The following HIBCH variants were observed in gnomAD, a reference collection of about 807,000 sequenced individuals.
HIBCH encodes 3-hydroxyisobutyryl-CoA hydrolase, also known as 3-hydroxyisobutyryl-CoA hydrolase, mitochondrial.
In HIBCH, 50 loss-of-function variants were observed where a neutral mutation model predicts 58.2. That is an observed-to-expected ratio of 0.86 (90% CI 0.68 to 1.09). The LOEUF (loss-of-function observed/expected upper bound fraction) is 1.09, where lower values mean the gene tolerates loss of function less well. Among genes scored for constraint, HIBCH ranks in the 50% least tolerant of loss-of-function variants. HIBCH has a pLI of 0.00. For synonymous variants in HIBCH, 151 were observed against 146.9 expected (o/e 1.03, Z -0.20); for missense variants, 450 against 449.7 (o/e 1.00, Z -0.01).
At chr2:190,269,940 T>C (rs1297910030) in intron 6 of HIBCH, among the ~76,000 whole-genome samples, 1 of 152,144 alleles carries the variant, frequency 6.6e-6, no homozygotes, top group Admixed American at 6.5e-5. Context: ...TGGATGAAGC[T>C]GGAAGCCATC....
chr2:190,281,086 G>A lies in HIBCH; in HGVS notation c.438+6500C>T, dbSNP rs1687694326. 6.6e-6 allele frequency: 1 copy of A among 152,214 alleles called. No homozygotes were observed. The highest frequency in any genetic ancestry group is 2.4e-5 in the African/African-American group (1 of 41,406). The allele number at this position is 152,214 out of a possible 1,614,324, so 9.4% of individuals were successfully genotyped here. ...TGCAAACTGGTGCCATGCTGCCAGTGGGTCAACAGTTCTAGAATCTCAAGG... is the reference window on the plus strand; with the variant it reads ...TGCAAACTGGTGCCATGCTGCCAGTAGGTCAACAGTTCTAGAATCTCAAGG... On this transcript the variant is annotated intron_variant, in intron 6 of 13. Transcript: ENST00000359678. This position sits in a 1 kb window ranked among gnomAD's most constrained non-coding sequence, Gnocchi z 5.4.
intron 2 of HIBCH, among the ~76,000 whole-genome samples, chr2:190,301,941 C>A (rs887858877): frequency 2.0e-5 from 3 of 152,184 alleles, no homozygotes; most frequent in African/African-American, 7.2e-5. Context: ...CCTCTTAATA[C>A]CATCACATTT....
At chr2:190,222,133 C>G (rs1685738150) in intron 11 of HIBCH, among the ~76,000 whole-genome samples, 1 of 152,120 alleles carries the variant, frequency 6.6e-6, no homozygotes, top group Non-Finnish European at 1.5e-5. Flanking sequence ...ATAGGCACCC[C>G]CTAGACGCTG....
At chr2:190,266,514 A>G (rs1687240599) in intron 6 of HIBCH, among the ~76,000 whole-genome samples, 1 of 152,058 alleles carries the variant, frequency 6.6e-6, no homozygotes, top group Non-Finnish European at 1.5e-5. Context: ...ACTCACTGCA[A>G]CCTCAGTCTC....
At chr2:190,246,720 G>A (rs547264715) in intron 9 of HIBCH, among the ~76,000 whole-genome samples, 1 of 152,322 alleles carries the variant, frequency 6.6e-6, no homozygotes, top group South Asian at 2.1e-4. Flanking sequence ...TATAGTTCTA[G>A]TTAATCTCTT....
chr2:190,210,630 T>C lies in HIBCH; in HGVS notation c.1012-1717A>G, dbSNP rs1295730075. 1.3e-5 allele frequency among the ~76,000 whole-genome samples: 2 copies of C among 152,180 alleles called. No individual in the cohort carries two copies. Among genetic ancestry groups the C allele is most frequent in the African/African-American group, 4.8e-5 (2 of 41,438 alleles). On this transcript the variant is annotated intron_variant, in intron 12 of 13. Coordinates refer to ENST00000359678, the MANE Select transcript of HIBCH (RefSeq NM_014362.4). The surrounding 1 kb of genome is among the most constrained non-coding windows in gnomAD (Gnocchi z 5.5). The stretch of plus-strand genomic sequence containing the variant: ...AAGTCCTTAGAGAGACCTTCAAGGC[T>C]CTGTATGCTCTGCACAGCCTTTCTC...
chr2:190,298,725 T>C lies in HIBCH; in HGVS notation c.79-1772A>G, dbSNP rs111951600. ...TTCACTCTGATGATAGTTTCTTTTG[T>C]GGTGCAGAAGCTCTTTAGTTTGATT... On this transcript the variant is annotated intron_variant, in intron 2 of 13. Transcript: ENST00000359678. Among the ~76,000 whole-genome samples the C allele has an allele frequency of 5.6e-3, 860 of 152,238 alleles. 5 individuals are homozygous for C. The highest frequency in any genetic ancestry group is 0.02 in the African/African-American group (816 of 41,540).
rs572172686 is a variant in HIBCH at position 190,309,730 on chromosome 2, A to AT, written c.78+1023dup. Among the ~76,000 whole-genome samples, 859 of 147,378 alleles carry AT rather than the reference A, an allele frequency of 5.8e-3. 3 individuals carry two copies. The highest frequency in any genetic ancestry group is 0.019 in the African/African-American group (761 of 40,260). The stretch of plus-strand genomic sequence containing the variant: ...GCCACCATGTCCGGCTAATTTTTGT[A>AT]TTTTTTTTTTAGCAGAGATGGGGTT... On this transcript the variant is annotated intron_variant, in intron 2 of 13. Coordinates refer to ENST00000359678, the MANE Select transcript of HIBCH (RefSeq NM_014362.4).
intron 1 of HIBCH, among the ~76,000 whole-genome samples, chr2:190,191,614 T>C (rs1290996613): frequency 1.3e-5 from 2 of 152,238 alleles, no homozygotes; most frequent in African/African-American, 2.4e-5. Flanking sequence ...GAGAGTGCAG[T>C]TGCTCTGTAT....
chr2:190,256,468 T>C lies in HIBCH; in HGVS notation c.518-4161A>G, dbSNP rs569363101. On this transcript the variant is annotated intron_variant, in intron 7 of 13. Coordinates refer to ENST00000359678, the MANE Select transcript of HIBCH (RefSeq NM_014362.4). ...CAAAAAAAAAAAAAAATAATAATAA[T>C]AAATCTTACAACACTTGAAAATATT... Among the ~76,000 whole-genome samples the C allele has an allele frequency of 2.0e-4, 30 of 150,164 alleles. No individual in the cohort carries two copies. The East Asian group carries it at 5.9e-3, about 29-fold the overall frequency.
intron 9 of HIBCH, among the ~76,000 whole-genome samples, chr2:190,246,661 G>A (rs61038868): frequency 0.25 from 37,327 of 152,034 alleles, 4,898 homozygotes; most frequent in East Asian, 0.32. Flanking sequence ...GAATAATTAG[G>A]TTTCTGTTGT....
In HIBCH at chr2:190,206,830, TA is replaced by T. The variant is rs1368786519; in HGVS notation, c.1046-1599del. On this transcript the variant is annotated intron_variant, in intron 13 of 13. Coordinates refer to ENST00000359678, the MANE Select transcript of HIBCH (RefSeq NM_014362.4). This position sits in a 1 kb window ranked among gnomAD's most constrained non-coding sequence, Gnocchi z 5.1. The stretch of plus-strand genomic sequence containing the variant: ...AGGCGGCAATATACTTTCTCTTCAT[TA>T]AAAAGTAGCATAGGCCAGGCGCGGT... Among the ~76,000 whole-genome samples the T allele has an allele frequency of 1.3e-5, 2 of 152,056 alleles. No individual in the cohort carries two copies. Among genetic ancestry groups the T allele is most frequent in the African/African-American group, 4.8e-5 (2 of 41,368 alleles).
rs116246825 is a variant in HIBCH at position 190,221,317 on chromosome 2, T to C, written c.892-8242A>G. ...AGATGACTGACCATAGTATCCTCAT[T>C]TGTAAAACAGGCATAATAATACTGC... On this transcript the variant is annotated intron_variant, in intron 11 of 13. Transcript: ENST00000359678. Among the ~76,000 whole-genome samples, 866 of 152,310 alleles carry C rather than the reference T, an allele frequency of 5.7e-3. 11 individuals are homozygous for C. The highest frequency in any genetic ancestry group is 0.019 in the African/African-American group (794 of 41,568).
chr2:190,228,352 G>A (rs978589853), intron 11 of HIBCH, among the ~76,000 whole-genome samples: 4 of 145,682 alleles, frequency 2.7e-5, no homozygotes, highest in African/African-American at 1.0e-4. Context: ...ATTGAACAAT[G>A]AGAACATTTG....
chr2:190,213,203 T>C lies in HIBCH; in HGVS notation c.892-128A>G, dbSNP rs1054758392. 1.4e-5 allele frequency: 11 copies of C among 794,784 alleles called. No individual in the cohort carries two copies. In the African/African-American group the frequency reaches 1.9e-4, roughly 14 times the overall value. The allele number at this position is 794,784 out of a possible 1,614,324, so 49.2% of individuals were successfully genotyped here. Reference sequence around the variant, plus strand: ...TCTCATAAAAGATTATACCCTAGCTTAATCCTGCCAAAGCACCAAACAAAA... The same window carrying C: ...TCTCATAAAAGATTATACCCTAGCTCAATCCTGCCAAAGCACCAAACAAAA... On this transcript the variant is annotated intron_variant, in intron 11 of 13. Coordinates refer to ENST00000359678, the MANE Select transcript of HIBCH (RefSeq NM_014362.4).
chr2:190,265,256 A>G (rs569407227), intron 6 of HIBCH, among the ~76,000 whole-genome samples: 9 of 151,858 alleles, frequency 5.9e-5, no homozygotes, highest in Non-Finnish European at 1.3e-4. Context: ...CTACATCCTC[A>G]CCAACACTTC....
intron 1 of HIBCH, among the ~76,000 whole-genome samples, chr2:190,195,330 G>GTAAA (rs1024504502): frequency 1.7e-4 from 26 of 152,140 alleles, no homozygotes; most frequent in African/African-American, 6.3e-4. Flanking sequence ...AACTTATTGG[G>GTAAA]TAAATACCAA....
At chr2:190,194,460 C>T (rs1689868460) in intron 1 of HIBCH, among the ~76,000 whole-genome samples, 3 of 147,828 alleles carry the variant, frequency 2.0e-5, no homozygotes, top group African/African-American at 7.7e-5. Context: ...AAGTAGTGTT[C>T]CCACGTATCC....
chr2:190,312,063 GGT>G (rs1469344609), intron 1 of HIBCH, among the ~76,000 whole-genome samples: 11 of 152,162 alleles, frequency 7.2e-5, no homozygotes, highest in Admixed American at 6.5e-4. Context: ...ACTTCAGAAC[GGT>G]GTACTCAAGT....
Sources: gnomAD v4.1 joint callset for allele counts (sites outside exome capture counted in the v4.1 genomes callset) on GRCh38, gnomAD v4.1.1 for gene constraint, Gnocchi (gnomAD v3.1) non-coding constraint, MANE v1.5 for transcripts, NCBI Gene and HGNC (gene_info 2026-07-23, HGNC 2026-07-21) for gene names.